Variants in TYW5 observed in about 807,000 individuals in gnomAD.
TYW5 encodes tRNA wybutosine-synthesizing protein 5.
TYW5 carries 36 observed loss-of-function variants against 44.4 expected under a neutral mutation model. The observed-to-expected ratio is 0.81, with a 90% CI of 0.62 to 1.07. The LOEUF (loss-of-function observed/expected upper bound fraction) is 1.07. TYW5 is among the 50% of genes least tolerant of loss of function. The pLI, the probability that TYW5 is intolerant of heterozygous loss-of-function variation, is 0.00. For missense variants in TYW5, 354 were observed against 365.7 expected (o/e 0.97, Z 0.26); for synonymous variants, 121 against 128.1 (o/e 0.94, Z 0.37).
At position 199,931,860 on chromosome 2, in the gene TYW5, A is replaced by G. The variant is rs1223182340; in HGVS notation, c.*1207T>C. The G allele has an allele frequency of 6.6e-6, 1 of 151,178 alleles. No individual in the cohort carries two copies. The highest frequency in any genetic ancestry group is 1.5e-5 in the Non-Finnish European group (1 of 67,722). The allele number at this position is 151,178 out of a possible 1,614,324, so 9.4% of individuals were successfully genotyped here. A position where few individuals can be genotyped will look rare whatever the true frequency, so the allele number is the denominator to read the frequency against. On this transcript the variant is annotated 3_prime_UTR_variant, in exon 8 of 8. Transcript: ENST00000354611. The stretch of plus-strand genomic sequence containing the variant: ...ACACTGCAATATAATTACTAGGTAC[A>G]AAACAAAAGCAGAGATCCACACACA...
At chr2:199,948,616 G>A (rs1382611687) in intron 1 of TYW5, 144 bp from the exon 2 acceptor site, 1 of 724,100 alleles carries the variant, frequency 1.4e-6, no homozygotes, top group Non-Finnish European at 2.2e-6. Flanking sequence ...GACAGTTCAT[G>A]CTGTCACTAA....
At position 199,934,498 on chromosome 2, in the gene TYW5, A is replaced by G. The variant is rs146955943; in HGVS notation, c.692-1175T>C. Among the ~76,000 whole-genome samples, 63 of 150,238 alleles carry G rather than the reference A, an allele frequency of 4.2e-4. 1 individual carries two copies. The highest frequency in any genetic ancestry group is 1.5e-3 in the African/African-American group (61 of 40,788). On this transcript the variant is annotated intron_variant, in intron 7 of 7. Transcript: ENST00000354611. ...ACGTTCGTTGCTTTCAATGAAAATA[A>G]GAATAAAAAGTCAACTTTTTATAAA...
intron 1 of TYW5, among the ~76,000 whole-genome samples, chr2:199,953,133 C>G (rs1038729412): frequency 6.6e-6 from 1 of 152,060 alleles, no homozygotes; most frequent in African/African-American, 2.4e-5. Flanking sequence ...ACCAGCCTGG[C>G]CAACATGGCG....
intron 1 of TYW5, among the ~76,000 whole-genome samples, chr2:199,953,381 T>C (rs571917131): frequency 2.0e-5 from 3 of 152,316 alleles, no homozygotes; most frequent in Non-Finnish European, 4.4e-5. Flanking sequence ...GTAACAAATA[T>C]ACCACTCTAA....
chr2:199,938,968 T>C lies in TYW5; in HGVS notation c.451A>G (p.Ser151Gly), dbSNP rs572808213. 1.9e-6 allele frequency: 3 copies of C among 1,613,404 alleles called. No homozygotes were observed. The highest frequency in any genetic ancestry group is 3.3e-5 in the Admixed American group (2 of 59,842). ...EQFFSSVFRI[S>G]SPGLQLWTHY... Reference sequence around the variant, plus strand: ...GTCCATAGTTGTAATCCTGGTGAACTAATTCGAAAAACACTGGAAAAGAAC... The same window carrying C: ...GTCCATAGTTGTAATCCTGGTGAACCAATTCGAAAAACACTGGAAAAGAAC... Residue 151 changes from serine to glycine, a missense_variant, in exon 5 of 8, where the codon AGT becomes GGT. Ser to Gly is a moderately conservative substitution (Grantham distance 56, BLOSUM62 0). Coordinates refer to ENST00000354611, the MANE Select transcript of TYW5 (RefSeq NM_001039693.3).
At chr2:199,935,134 AAT>A (rs2077408619) in intron 7 of TYW5, among the ~76,000 whole-genome samples, 1 of 152,114 alleles carries the variant, frequency 6.6e-6, no homozygotes, top group African/African-American at 2.4e-5. Flanking sequence ...GATGTCATTT[AAT>A]AGAGTATATT....
At chr2:199,938,623 T>G (rs183436984) in intron 5 of TYW5, among the ~76,000 whole-genome samples, 1 of 152,068 alleles carries the variant, frequency 6.6e-6, no homozygotes, top group East Asian at 1.9e-4. Context: ...CAATACAATT[T>G]CCCCCATTAT....
rs1226863002 is a variant in TYW5 at position 199,933,017 on chromosome 2, A to G, written c.*50T>C. ...TATTTTAACAAAATCTTTAATTTAT[A>G]TCGTTATACCTTACTAAAGTGTTAA... is the stretch of plus-strand genomic sequence containing the variant. On this transcript the variant is annotated 3_prime_UTR_variant, in exon 8 of 8. Coordinates refer to ENST00000354611, the MANE Select transcript of TYW5 (RefSeq NM_001039693.3). 1 of 1,561,364 alleles carries G rather than the reference A, an allele frequency of 6.4e-7. No homozygotes were observed. The highest frequency in any genetic ancestry group is 8.6e-7 in the Non-Finnish European group (1 of 1,156,188).
At chr2:199,943,505 T>A (rs2077481247) in intron 3 of TYW5, 1 of 313,844 alleles carries the variant, frequency 3.2e-6, no homozygotes, top group African/African-American at 2.2e-5. Context: ...ATTTAGTTAA[T>A]CCTCACAAAC....
In TYW5 at chr2:199,947,251, G is replaced by A. The variant is rs372126398; in HGVS notation, c.233+1067C>T. On this transcript the variant is annotated intron_variant, in intron 2 of 7. Transcript: ENST00000354611. ...CTATTTAACTCATCTCTAAATTGAA[G>A]TCTTGTGAACTACATGGTTTTTCAA... 7.2e-5 allele frequency: 11 copies of A among 152,334 alleles called. No individual in the cohort carries two copies. The East Asian group carries it at 2.1e-3, about 29-fold the overall frequency. The allele number at this position is 152,334 out of a possible 1,614,324, so 9.4% of individuals were successfully genotyped here.
At chr2:199,940,021 G>A in intron 4 of TYW5, 68 bp downstream of exon 4, 1 of 1,402,648 alleles carries the variant, frequency 7.1e-7, no homozygotes, top group Non-Finnish European at 1.0e-6. Flanking sequence ...TAAAATTACA[G>A]TGTTGCCAGT....
intron 1 of TYW5, among the ~76,000 whole-genome samples, chr2:199,950,652 ATGTG>A (rs1456835739): frequency 2.7e-5 from 4 of 150,934 alleles, no homozygotes; most frequent in Middle Eastern, 3.2e-3. Context: ...GTGTGTGTGT[ATGTG>A]TGTGTGTATG....
intron 1 of TYW5, among the ~76,000 whole-genome samples, chr2:199,953,148 T>C (rs921712352): frequency 3.3e-5 from 5 of 151,966 alleles, no homozygotes; most frequent in African/African-American, 1.2e-4. Context: ...ATGGCGAAAC[T>C]CCGCCTCTAC....
chr2:199,934,758 AATTTT>A (rs1269330592), intron 7 of TYW5, among the ~76,000 whole-genome samples: 2 of 152,090 alleles, frequency 1.3e-5, no homozygotes, highest in African/African-American at 4.8e-5. Context: ...ATATCCCTTT[AATTTT>A]AATTATGATT....
rs1413372132 is a variant in TYW5 at position 199,929,611 on chromosome 2, G to GTGAT, written c.*3452_*3455dup. Among the ~76,000 whole-genome samples the GTGAT allele has an allele frequency of 6.8e-6, 1 of 147,666 alleles. No individual in the cohort carries two copies. The highest frequency in any genetic ancestry group is 1.5e-5 in the Non-Finnish European group (1 of 67,526). ...GATGTCTGTTGGCAACTTTTTATAG[G>GTGAT]TGATAGAAAAGCCGCCTTACTAAGG... On this transcript the variant is annotated 3_prime_UTR_variant, in exon 8 of 8. Coordinates refer to ENST00000354611, the MANE Select transcript of TYW5 (RefSeq NM_001039693.3).
At chr2:199,948,130 T>A (rs996126207) in intron 2 of TYW5, 188 bp downstream of exon 2, 2 of 591,622 alleles carry the variant, frequency 3.4e-6, no homozygotes, top group Non-Finnish European at 5.8e-6. Flanking sequence ...TGTCACTGTA[T>A]AATTATGTAA....
intron 5 of TYW5, among the ~76,000 whole-genome samples, chr2:199,937,813 G>A (rs1010838112): frequency 6.6e-5 from 10 of 152,078 alleles, no homozygotes; most frequent in Admixed American, 4.6e-4. Context: ...CAGATTTACT[G>A]ACTATGGTAA....
rs547321832 is a variant in TYW5 at position 199,950,654 on chromosome 2, G to A, written c.79-2182C>T. On this transcript the variant is annotated intron_variant, in intron 1 of 7. Coordinates refer to ENST00000354611, the MANE Select transcript of TYW5 (RefSeq NM_001039693.3). Reference sequence around the variant, plus strand: ...TGCATGTGGGTCTGTGTGTGTGTATGTGTGTGTGTATGTGCACGTGCGCGT... The same window carrying A: ...TGCATGTGGGTCTGTGTGTGTGTATATGTGTGTGTATGTGCACGTGCGCGT... Among the ~76,000 whole-genome samples the A allele has an allele frequency of 5.7e-4, 86 of 152,170 alleles. 3 individuals carry two copies. The South Asian group carries it at 0.016, about 28-fold the overall frequency.
At chr2:199,937,956 C>T (rs2077433902) in intron 5 of TYW5, among the ~76,000 whole-genome samples, 1 of 152,112 alleles carries the variant, frequency 6.6e-6, no homozygotes, top group Non-Finnish European at 1.5e-5. Flanking sequence ...AGTTTCTCTA[C>T]TTCCCAACAC....
Sources: gnomAD v4.1 joint callset for allele counts (sites outside exome capture counted in the v4.1 genomes callset) on GRCh38, gnomAD v4.1.1 for gene constraint, MANE v1.5 for transcripts, NCBI Gene and HGNC (gene_info 2026-07-23, HGNC 2026-07-21) for gene names.